Variants in NOS1 observed in about 807,000 individuals in gnomAD.
The protein encoded by NOS1 is nitric oxide synthase 1.
In NOS1, 51 loss-of-function variants were observed where a neutral mutation model predicts 164.5. The observed-to-expected ratio is 0.31, with a 90% confidence interval of 0.25 to 0.39. The LOEUF (loss-of-function observed/expected upper bound fraction) is 0.39. Ranked by LOEUF, NOS1 falls within the 10% of genes least tolerant of loss-of-function variation. The pLI is 1.00. For synonymous variants in NOS1, 719 were observed against 745.8 expected (o/e 0.96, Z 0.59); for missense variants, 1,362 against 1,885.6 (o/e 0.72, Z 5.14).
At position 117,239,904 on chromosome 12, in the gene NOS1, G is replaced by A. The variant is rs118182014; in HGVS notation, c.3041+2723C>T. Among the ~76,000 whole-genome samples the A allele has an allele frequency of 5.2e-3, 782 of 151,328 alleles. 8 individuals carry two copies. Among genetic ancestry groups the A allele is most frequent in the Non-Finnish European group, 4.9e-3 (332 of 67,918 alleles). ...TACACTCCAGTTCTAACCTTGTTTG[G>A]AATATTCTCTTGCTAGTCACTTTTA... On this transcript the variant is annotated intron_variant, in intron 20 of 28. Transcript: ENST00000317775.
chr12:117,337,107 T>TAA (rs1875863852), intron 1 of NOS1, among the ~76,000 whole-genome samples: 2 of 57,410 alleles, frequency 3.5e-5, no homozygotes, highest in East Asian at 8.0e-4. Context: ...CTTTTTACTC[T>TAA]TTTTTTTTTT....
At chr12:117,357,454 G>A (rs1876906968) in intron 1 of NOS1, among the ~76,000 whole-genome samples, 1 of 152,194 alleles carries the variant, frequency 6.6e-6, no homozygotes, top group Admixed American at 6.5e-5. Context: ...TACGGGGCTT[G>A]TACTGAAGGA....
Position 117,215,270 on chromosome 12 carries a change from G to A in NOS1, c.*39C>T, listed in dbSNP as rs758930751. The A allele has an allele frequency of 3.5e-5, 53 of 1,535,522 alleles. No individual in the cohort carries two copies. Among genetic ancestry groups the A allele is most frequent in the African/African-American group, 9.7e-5 (7 of 71,998 alleles). On this transcript the variant is annotated 3_prime_UTR_variant, in exon 29 of 29. Coordinates refer to ENST00000317775, the MANE Select transcript of NOS1 (RefSeq NM_000620.5). ...GAAAGGTTCAGCAGTGTCTGTCCGCGCTTACAAAACTTGCAGCCGGCTGGG... is the reference window on the plus strand; with the variant it reads ...GAAAGGTTCAGCAGTGTCTGTCCGCACTTACAAAACTTGCAGCCGGCTGGG...
intron 8 of NOS1, 99 bp from the exon 9 acceptor site, chr12:117,278,197 G>T: frequency 7.4e-7 from 1 of 1,347,448 alleles, no homozygotes; most frequent in Non-Finnish European, 9.8e-7. Context: ...AGATCCAAAT[G>T]CAAGCCCCCA....
chr12:117,293,334 C>G (rs1449554296), intron 3 of NOS1, among the ~76,000 whole-genome samples: 2 of 152,200 alleles, frequency 1.3e-5, no homozygotes, highest in Non-Finnish European at 2.9e-5. Flanking sequence ...TACCAACCAT[C>G]TGTGCAGGAC....
At chr12:117,303,902 T>C (rs953922449) in intron 3 of NOS1, among the ~76,000 whole-genome samples, 3 of 152,086 alleles carry the variant, frequency 2.0e-5, no homozygotes, top group Admixed American at 2.0e-4. Flanking sequence ...AAACTCAACA[T>C]GTGTTCACGC....
At position 117,211,243 on chromosome 12, in the gene NOS1, C is replaced by G. The variant is rs1259154304; in HGVS notation, c.*4066G>C. 2 of 985,258 alleles carry G rather than the reference C, an allele frequency of 2.0e-6. No homozygotes were observed. Among genetic ancestry groups the G allele is most frequent in the Non-Finnish European group, 2.4e-6 (2 of 829,912 alleles). The allele number at this position is 985,258 out of a possible 1,614,324, so 61.0% of individuals were successfully genotyped here. On this transcript the variant is annotated 3_prime_UTR_variant, in exon 29 of 29. Transcript: ENST00000317775. ...AAAGTGCTGGGATTACAGACATGAG[C>G]TACCGCGCCCAGCCTGCAAGATGCT...
At chr12:117,232,276 C>G in intron 21 of NOS1, 145 bp from the exon 22 acceptor site, 1 of 645,552 alleles carries the variant, frequency 1.5e-6, no homozygotes, top group Non-Finnish European at 2.6e-6. Flanking sequence ...CTCCACCTTC[C>G]ATGCCCAGAA....
At chr12:117,325,310 G>A (rs1039785889) in intron 2 of NOS1, among the ~76,000 whole-genome samples, 3 of 152,190 alleles carry the variant, frequency 2.0e-5, no homozygotes, top group Non-Finnish European at 2.9e-5. Flanking sequence ...GAGTGACCCC[G>A]AAGAACATTC....
Position 117,278,113 on chromosome 12 carries a change from G to A in NOS1, c.1525-15C>T, listed in dbSNP as rs781051044. On this transcript the variant is annotated splice_polypyrimidine_tract_variant and intron_variant, in intron 8 of 28. Transcript: ENST00000317775. ...TGTATGCATATCTGCAAGCAGACCC[G>A]GCCAGGTAATGCCACTGTACCCCAC... 8.7e-6 allele frequency: 14 copies of A among 1,605,954 alleles called. No homozygotes were observed. Among genetic ancestry groups the A allele is most frequent in the South Asian group, 1.1e-5 (1 of 90,392 alleles).
At chr12:117,360,538 T>C (rs527812419) in intron 1 of NOS1, among the ~76,000 whole-genome samples, 2 of 152,248 alleles carry the variant, frequency 1.3e-5, no homozygotes, top group East Asian at 3.9e-4. Context: ...CACCCCAATC[T>C]CGCCCAGACG....
In NOS1 at chr12:117,214,535, G is replaced by C; in HGVS notation, c.*774C>G. On this transcript the variant is annotated 3_prime_UTR_variant, in exon 29 of 29. Coordinates refer to ENST00000317775, the MANE Select transcript of NOS1 (RefSeq NM_000620.5). ...TGGGTTCATGTCACATGAGGGCTCT[G>C]CTCACTGGTATCAAAATCTAAATGC... is the stretch of plus-strand genomic sequence containing the variant. 3 of 985,392 alleles carry C rather than the reference G, an allele frequency of 3.0e-6. No homozygotes were observed. Among genetic ancestry groups the C allele is most frequent in the Non-Finnish European group, 3.6e-6 (3 of 829,950 alleles). The allele number at this position is 985,392 out of a possible 1,614,324, so 61.0% of individuals were successfully genotyped here.
chr12:117,318,820 G>A (rs1874784257), intron 2 of NOS1, among the ~76,000 whole-genome samples: 1 of 152,182 alleles, frequency 6.6e-6, no homozygotes, highest in Non-Finnish European at 1.5e-5. Flanking sequence ...GCTGGCAGGA[G>A]GCCCTGACCA....
chr12:117,344,009 G>A (rs1566084864), intron 1 of NOS1, among the ~76,000 whole-genome samples: 1 of 152,212 alleles, frequency 6.6e-6, no homozygotes, highest in African/African-American at 2.4e-5. Flanking sequence ...TTCCACATAT[G>A]TCAGATATAC....
At chr12:117,286,670 A>G (rs572263090) in intron 5 of NOS1, among the ~76,000 whole-genome samples, 25 of 152,306 alleles carry the variant, frequency 1.6e-4, no homozygotes, top group African/African-American at 5.1e-4. Flanking sequence ...TCAATTTTAG[A>G]AAGTTAGAAA....
chr12:117,343,827 A>T (rs902033077), intron 1 of NOS1, among the ~76,000 whole-genome samples: 1 of 152,218 alleles, frequency 6.6e-6, no homozygotes, highest in Non-Finnish European at 1.5e-5. Context: ...GGAAGAAAAA[A>T]GAAGTAAGAA....
rs1181653727 is a variant in NOS1, at chr12:117,285,233, C to G, written c.1382+8G>C. On this transcript the variant is annotated splice_region_variant and intron_variant, in intron 7 of 28. Transcript: ENST00000317775. The stretch of plus-strand genomic sequence containing the variant: ...TCCTGCTCCCCAGTGCCCAGCTGGT[C>G]AGCTCACCTGAGGTTCCCTTTGTTG... The G allele has an allele frequency of 6.2e-6, 10 of 1,607,098 alleles. No homozygotes were observed. In the African/African-American group the frequency reaches 1.3e-4, roughly 22 times the overall value.
chr12:117,280,328 G>GA (rs1352399785), intron 8 of NOS1, among the ~76,000 whole-genome samples: 2 of 152,190 alleles, frequency 1.3e-5, no homozygotes, highest in African/African-American at 4.8e-5. Flanking sequence ...TCGTAACTCA[G>GA]AAAAGGTGGA....
In NOS1 at chr12:117,284,879, G is replaced by A. The variant is rs9658358; in HGVS notation, c.1382+362C>T. 9.2e-5 allele frequency among the ~76,000 whole-genome samples: 14 copies of A among 151,732 alleles called. No homozygotes were observed. The East Asian group carries it at 1.4e-3, about 15-fold the overall frequency. On this transcript the variant is annotated intron_variant, in intron 7 of 28. Transcript: ENST00000317775. ...AGCATGGTCAACATCATGAAAGCCC[G>A]TTTCTACTAAAAATAAAAAAAATTA...
Sources: gnomAD v4.1 joint callset for allele counts (sites outside exome capture counted in the v4.1 genomes callset) on GRCh38, gnomAD v4.1.1 for gene constraint, MANE v1.5 for transcripts, NCBI Gene and HGNC (gene_info 2026-07-23, HGNC 2026-07-21) for gene names.